The following USP24 variants were observed in gnomAD, a reference collection of about 807,000 sequenced individuals.
USP24 encodes ubiquitin carboxyl-terminal hydrolase 24.
Under a neutral mutation model 361.6 loss-of-function variants are expected in USP24, and 97 were observed. The observed-to-expected ratio is 0.27, with a 90% CI of 0.23 to 0.32. The LOEUF (loss-of-function observed/expected upper bound fraction) is 0.32, where lower values mean the gene tolerates loss of function less well. Ranked by LOEUF, USP24 falls within the 10% of genes least tolerant of loss-of-function variation. The pLI, the probability that USP24 is intolerant of heterozygous loss-of-function variation, is 1.00. For synonymous variants in USP24, 1,098 were observed against 1,124.6 expected, an observed-to-expected ratio of 0.98 and a Z score of 0.47; for missense variants, 2,353 against 3,165.6, an observed-to-expected ratio of 0.74 and a Z score of 6.16.
At chr1:55,103,840 A>T in intron 42 of USP24, 36 bp downstream of exon 42, 1 of 1,585,598 alleles carries the variant, frequency 6.3e-7, no homozygotes, top group Non-Finnish European at 8.6e-7. Context: ...AGATCATTCT[A>T]AAAAAATTAA....
intron 39 of USP24, among the ~76,000 whole-genome samples, chr1:55,107,672 T>G (rs1394805917): frequency 6.6e-6 from 1 of 151,436 alleles, no homozygotes; most frequent in African/African-American, 2.4e-5. Flanking sequence ...TGAAACCCCA[T>G]CTCTACTAAA....
chr1:55,073,770 C>A, intron 64 of USP24, 58 bp downstream of exon 64: 1 of 1,460,264 alleles, frequency 6.8e-7, no homozygotes, highest in South Asian at 1.2e-5. Context: ...CCCTTCTGCT[C>A]ATATGTGACT....
chr1:55,191,945 T>G (rs1291875757), intron 1 of USP24, among the ~76,000 whole-genome samples: 1 of 152,248 alleles, frequency 6.6e-6, no homozygotes, highest in East Asian at 1.9e-4. Context: ...ACCTTTCATA[T>G]TGCAAATTTT....
rs1269216440 is a variant in USP24 at position 55,159,017 on chromosome 1, T to C, written c.1088A>G (p.Glu363Gly). 1 of 1,551,638 alleles carries C rather than the reference T, an allele frequency of 6.4e-7. No individual in the cohort carries two copies. Among genetic ancestry groups the C allele is most frequent in the East Asian group, 2.3e-5 (1 of 43,368 alleles). Reference sequence around the variant, plus strand: ...AAGTAACTTAACGGCAGACAAGAGCTCAGGGATGCTAACCAATCTCTTTTA... The same window carrying C: ...AAGTAACTTAACGGCAGACAAGAGCCCAGGGATGCTAACCAATCTCTTTTA... ...LKDKRLVSIP[E>G]LLSAVKLLCM... Residue 363 changes from glutamate (E) to glycine (G), a missense_variant, in exon 10 of 68, where the codon GAG becomes GGG. Coordinates refer to ENST00000294383, the MANE Select transcript of USP24 (RefSeq NM_015306.3).
intron 63 of USP24, among the ~76,000 whole-genome samples, chr1:55,074,740 C>T (rs2483203): frequency 0.041 from 6,266 of 152,086 alleles, 194 homozygotes; most frequent in South Asian, 0.11. Flanking sequence ...AAGTTCCAGA[C>T]GGCCTGTGTG....
In USP24 at chr1:55,142,899, G is replaced by T. The variant is rs1036005074; in HGVS notation, c.2580+80C>A. ...AGAAGCCAATTTTTGGTCATGCCAAGGATCACAGCTTATCACTAAAATATA... is the reference window on the plus strand; with the variant it reads ...AGAAGCCAATTTTTGGTCATGCCAATGATCACAGCTTATCACTAAAATATA... On this transcript the variant is annotated intron_variant, in intron 22 of 67. Transcript: ENST00000294383. The T allele has an allele frequency of 5.6e-6, 8 of 1,426,526 alleles. No individual in the cohort carries two copies. The African/African-American group carries it at 1.2e-4, about 21-fold the overall frequency. The allele number at this position is 1,426,526 out of a possible 1,614,324, so 88.4% of individuals were successfully genotyped here.
chr1:55,154,914 G>C (rs1647476826), intron 12 of USP24, 136 bp from the exon 13 acceptor site: 4 of 611,866 alleles, frequency 6.5e-6, no homozygotes, highest in Non-Finnish European at 1.2e-5. Context: ...GCATCCACTT[G>C]CATAATATTG....
At position 55,214,959 on chromosome 1, in the gene USP24, C is replaced by A; in HGVS notation, c.155G>T (p.Gly52Val). The A allele has an allele frequency of 7.0e-7, 1 of 1,426,150 alleles. No homozygotes were observed. Among genetic ancestry groups the A allele is most frequent in the Non-Finnish European group, 9.2e-7 (1 of 1,084,654 alleles). The allele number at this position is 1,426,150 out of a possible 1,614,324, so 88.3% of individuals were successfully genotyped here. A position where few individuals can be genotyped will look rare whatever the true frequency, so the allele number is the denominator to read the frequency against. Residue 52 changes from glycine (G) to valine (V), a missense_variant, in exon 1 of 68, where the codon GGC becomes GTC. Gly to Val is a moderately radical substitution (Grantham distance 109). Coordinates refer to ENST00000294383, the MANE Select transcript of USP24 (RefSeq NM_015306.3). ...TNERPGLDYG[G>V]YEPMDSGGGP... ...ACCGCCGCTGTCCATGGGCTCGTAG[C>A]CGCCGTAGTCGAGGCCCGGCCGCTC...
Position 55,142,772 on chromosome 1 carries a change from T to C in USP24, c.2604A>G (p.Lys868=). The change falls in exon 23 of 68, where the codon AAA becomes AAG. Residue 868 remains lysine, a synonymous_variant. Transcript: ENST00000294383. ...ATCTTGTGTAGCAATCAGCAATGAA[T>C]TTCTTATGTAAAGATACTGAATCCT... The part of the protein sequence containing the change: ...LKKDSVSLHK[K]FIADCYTRLE... 1 of 1,554,968 alleles carries C rather than the reference T, an allele frequency of 6.4e-7. No individual in the cohort carries two copies. Among genetic ancestry groups the C allele is most frequent in the South Asian group, 1.2e-5 (1 of 82,548 alleles).
chr1:55,090,177 T>C (rs952926922), intron 54 of USP24, among the ~76,000 whole-genome samples: 1 of 151,926 alleles, frequency 6.6e-6, no homozygotes, highest in Admixed American at 6.6e-5. Context: ...TCCTACCTTA[T>C]GGAATAAAAA....
In USP24 at chr1:55,139,013, A is replaced by G; in HGVS notation, c.2751-3T>C. The stretch of plus-strand genomic sequence containing the variant: ...CAATTATTACAAGTTTAGTAGATCT[A>G]TAGATTAAAAAAAAAAAGTATTAAA... On this transcript the variant is annotated splice_region_variant and splice_polypyrimidine_tract_variant and intron_variant, in intron 24 of 67. Transcript: ENST00000294383. 6.3e-7 allele frequency: 1 copy of G among 1,598,288 alleles called. No homozygotes were observed. Among genetic ancestry groups the G allele is most frequent in the African/African-American group, 1.3e-5 (1 of 74,206 alleles).
chr1:55,134,404 G>A lies in USP24; in HGVS notation c.3211C>T (p.Leu1071Phe). 6.2e-7 allele frequency: 1 copy of A among 1,610,544 alleles called. No individual in the cohort carries two copies. Among genetic ancestry groups the A allele is most frequent in the East Asian group, 2.2e-5 (1 of 44,782 alleles). ...ACGAGAGCCATCACTACACCAGGGA[G>A]GGATTTCTCCTGATGGAAAAAAGCA... Reference protein sequence around the residue: ...SSYAMEQEKSLPGVVMALVCN... With the variant: ...SSYAMEQEKSFPGVVMALVCN... The change falls in exon 29 of 68, where the codon CTC (leucine) becomes TTC (phenylalanine). Residue 1071 changes from leucine (L) to phenylalanine (F), a missense_variant. Around this residue, in one of 8 missense-constraint regions of USP24, gnomAD observed 949 missense variants for 1,280.5 expected, o/e 0.74. Transcript: ENST00000294383.
In USP24 at chr1:55,154,478, A is replaced by G. The variant is rs773944768; in HGVS notation, c.1555-12T>C. Reference sequence around the variant, plus strand: ...TCAGTCTCCCAGCTCTGTAGAACGGAAAAGACACAGGAATTGCTTCACGAT... The same window carrying G: ...TCAGTCTCCCAGCTCTGTAGAACGGGAAAGACACAGGAATTGCTTCACGAT... On this transcript the variant is annotated splice_polypyrimidine_tract_variant and intron_variant, in intron 13 of 67. Coordinates refer to ENST00000294383, the MANE Select transcript of USP24 (RefSeq NM_015306.3). 1 of 1,549,118 alleles carries G rather than the reference A, an allele frequency of 6.5e-7. No individual in the cohort carries two copies. The highest frequency in any genetic ancestry group is 8.7e-7 in the Non-Finnish European group (1 of 1,146,146).
chr1:55,146,813 C>A (rs540462008), intron 19 of USP24, 116 bp downstream of exon 19: 2 of 1,233,476 alleles, frequency 1.6e-6, no homozygotes, highest in East Asian at 2.8e-5. Context: ...CAGTTCTTGG[C>A]CCATACTATT....
At chr1:55,108,790 T>C (rs1022000037) in intron 39 of USP24, among the ~76,000 whole-genome samples, 2 of 152,188 alleles carry the variant, frequency 1.3e-5, no homozygotes, top group Non-Finnish European at 2.9e-5. Context: ...AAGCAAAGCC[T>C]GTATGGCTGC....
At chr1:55,125,269 G>A in intron 34 of USP24, 51 bp downstream of exon 34, 10 of 1,555,784 alleles carry the variant, frequency 6.4e-6, no homozygotes, top group Non-Finnish European at 8.9e-6. Flanking sequence ...TCCTAAACAG[G>A]ACATTCTGAA....
At chr1:55,069,894 A>T (rs1268823706) in intron 67 of USP24, among the ~76,000 whole-genome samples, 2 of 150,642 alleles carry the variant, frequency 1.3e-5, no homozygotes, top group Non-Finnish European at 3.0e-5. Context: ...AAAAAAAAAA[A>T]AAAAAATCAG....
At chr1:55,105,837 C>G (rs1645755550) in intron 41 of USP24, among the ~76,000 whole-genome samples, 1 of 152,196 alleles carries the variant, frequency 6.6e-6, no homozygotes, top group Non-Finnish European at 1.5e-5. Flanking sequence ...AGCCTATTTA[C>G]TTGTACTTTC....
chr1:55,168,454 G>A (rs950020234), intron 5 of USP24, among the ~76,000 whole-genome samples: 2 of 151,956 alleles, frequency 1.3e-5, no homozygotes, highest in African/African-American at 2.4e-5. Context: ...AGCTTAAAAC[G>A]AAGAGAAAGC....
Sources: gnomAD v4.1 joint callset for allele counts (sites outside exome capture counted in the v4.1 genomes callset) on GRCh38, gnomAD v4.1.1 for gene constraint, gnomAD v4.1.1 regional missense constraint, MANE v1.5 for transcripts, NCBI Gene and HGNC (gene_info 2026-07-23, HGNC 2026-07-21) for gene names.